The following ALMS1 variants were observed in gnomAD, a reference collection of about 807,000 sequenced individuals.
ALMS1 encodes centrosome-associated protein ALMS1.
In ALMS1, 271 loss-of-function variants were observed where a neutral mutation model predicts 352.2. That is an observed-to-expected ratio of 0.77 (90% CI 0.70 to 0.85). The LOEUF (loss-of-function observed/expected upper bound fraction) is 0.85. Among genes scored for constraint, ALMS1 ranks in the 40% least tolerant of loss-of-function variants. The pLI is 0.00. For missense variants in ALMS1, 5,445 were observed against 4,870.7 expected (o/e 1.12, Z -3.51); for synonymous variants, 1,865 against 1,761.2 (o/e 1.06, Z -1.48).
At chr2:73,493,308 A>C (rs376499348) in intron 10 of ALMS1, among the ~76,000 whole-genome samples, 1 of 151,652 alleles carries the variant, frequency 6.6e-6, no homozygotes, top group Admixed American at 6.6e-5. Flanking sequence ...ATTTGAACCT[A>C]GGTTTATCAA....
chr2:73,453,429 T>C lies in ALMS1; in HGVS notation c.6902T>C (p.Val2301Ala), dbSNP rs759819986. The change falls in exon 8 of 23, where the codon GTT (valine) becomes GCT (alanine). Residue 2301 changes from valine to alanine, a missense_variant. Transcript: ENST00000613296. ...DISFIQSKKV[V>A]CFKEPSSTGV... ...TCATTTATACAATCTAAGAAGGTGGTTTGCTTCAAAGAACCCTCTTCCACG... is the reference window on the plus strand; with the variant it reads ...TCATTTATACAATCTAAGAAGGTGGCTTGCTTCAAAGAACCCTCTTCCACG... 2 of 1,613,442 alleles carry C rather than the reference T, an allele frequency of 1.2e-6. No individual in the cohort carries two copies. The highest frequency in any genetic ancestry group is 4.5e-5 in the East Asian group (2 of 44,856).
intron 7 of ALMS1, among the ~76,000 whole-genome samples, chr2:73,434,348 T>C (rs1671567542): frequency 6.6e-6 from 1 of 152,216 alleles, no homozygotes; most frequent in South Asian, 2.1e-4. Flanking sequence ...CTAGTTTACA[T>C]TGTGATTTTT....
intron 7 of ALMS1, among the ~76,000 whole-genome samples, chr2:73,439,001 T>TCTTCCTCTC (rs1285513990): frequency 1.5e-5 from 2 of 137,240 alleles, no homozygotes; most frequent in East Asian, 3.9e-4. Context: ...TTCTTCCTCT[T>TCTTCCTCTC]CTTCCTCTCC....
chr2:73,388,919 CTT>C (rs1232323691), intron 1 of ALMS1, among the ~76,000 whole-genome samples: 1 of 151,918 alleles, frequency 6.6e-6, no homozygotes, highest in Admixed American at 6.6e-5. Flanking sequence ...GCTCAGATGT[CTT>C]TTTGATGAAA....
At chr2:73,499,435 A>G (rs761176852) in intron 10 of ALMS1, among the ~76,000 whole-genome samples, 2 of 152,114 alleles carry the variant, frequency 1.3e-5, no homozygotes, top group African/African-American at 4.8e-5. Context: ...CCAGACCAAT[A>G]TCCTAAAGAT....
intron 10 of ALMS1, among the ~76,000 whole-genome samples, chr2:73,504,496 A>G (rs1673280208): frequency 6.6e-6 from 1 of 152,208 alleles, no homozygotes; most frequent in Admixed American, 6.5e-5. Flanking sequence ...GAGAAGTTAT[A>G]TAGATGGAAT....
intron 10 of ALMS1, among the ~76,000 whole-genome samples, chr2:73,493,791 CTTTTTCA>C (rs1269274913): frequency 6.6e-6 from 1 of 152,064 alleles, no homozygotes; most frequent in African/African-American, 2.4e-5. Flanking sequence ...TATATTCAAA[CTTTTTCA>C]TTTTGAGATA....
Position 73,451,345 on chromosome 2 carries a change from A to G in ALMS1, c.4818A>G (p.Lys1606=). 6.2e-7 allele frequency: 1 copy of G among 1,613,848 alleles called. No homozygotes were observed. Among genetic ancestry groups the G allele is most frequent in the Non-Finnish European group, 8.5e-7 (1 of 1,179,914 alleles). The stretch of plus-strand genomic sequence containing the variant: ...CCATTGTTTCTGGACCTACTGAAAA[A>G]AAGACTGACATACCAGCAGGACCTT... The part of the protein sequence containing the change: ...KVSIVSGPTE[K]KTDIPAGPLG... Residue 1606 remains lysine (K), a synonymous_variant, in exon 8 of 23, where the codon AAA becomes AAG. Coordinates refer to ENST00000613296, the MANE Select transcript of ALMS1 (RefSeq NM_001378454.1).
chr2:73,577,388 A>G (rs779545145), intron 16 of ALMS1, among the ~76,000 whole-genome samples: 6 of 150,876 alleles, frequency 4.0e-5, no homozygotes, highest in Non-Finnish European at 7.4e-5. Flanking sequence ...GTTTCTAGAA[A>G]TTTGTTTATC....
At chr2:73,488,572 G>A (rs911651621) in intron 9 of ALMS1, among the ~76,000 whole-genome samples, 2 of 152,154 alleles carry the variant, frequency 1.3e-5, no homozygotes, top group African/African-American at 4.8e-5. Flanking sequence ...AGGGAGTGGG[G>A]CTTCTGCCTG....
At chr2:73,468,334 T>C (rs1485590685) in intron 9 of ALMS1, among the ~76,000 whole-genome samples, 1 of 152,060 alleles carries the variant, frequency 6.6e-6, no homozygotes, top group Non-Finnish European at 1.5e-5. Context: ...TAGCACAAAC[T>C]GCTTCAATGA....
At chr2:73,606,141 A>G (rs1353784884) in intron 21 of ALMS1, among the ~76,000 whole-genome samples, 1 of 152,200 alleles carries the variant, frequency 6.6e-6, no homozygotes, top group Non-Finnish European at 1.5e-5. Flanking sequence ...TTTGTTTTCA[A>G]AAAGTCTTTA....
intron 12 of ALMS1, among the ~76,000 whole-genome samples, chr2:73,543,457 C>G (rs1419868352): frequency 7.9e-5 from 12 of 152,270 alleles, no homozygotes; most frequent in East Asian, 1.9e-4. Flanking sequence ...CAGGCATGGT[C>G]AAGGACTTCA....
At chr2:73,476,761 TTTG>T (rs1340024532) in intron 9 of ALMS1, among the ~76,000 whole-genome samples, 6 of 152,132 alleles carry the variant, frequency 3.9e-5, no homozygotes, top group African/African-American at 1.2e-4. Flanking sequence ...TGAATCAGGT[TTTG>T]TTGTTGTTGT....
intron 11 of ALMS1, among the ~76,000 whole-genome samples, chr2:73,521,580 C>CAAAAAA (rs565126393): frequency 1.1e-5 from 1 of 94,900 alleles, no homozygotes; most frequent in Non-Finnish European, 2.3e-5. Context: ...ACTAAAAATA[C>CAAAAAA]AAAAAAAAAA....
At chr2:73,554,705 G>T (rs1011022282) in intron 13 of ALMS1, among the ~76,000 whole-genome samples, 1 of 152,090 alleles carries the variant, frequency 6.6e-6, no homozygotes, top group Non-Finnish European at 1.5e-5. Context: ...TTAAAATCAG[G>T]TGTTACCCTC....
chr2:73,412,829 T>C (rs766442034), intron 2 of ALMS1, among the ~76,000 whole-genome samples: 4 of 151,880 alleles, frequency 2.6e-5, no homozygotes, highest in Non-Finnish European at 5.9e-5. Context: ...ACCCTAGGAA[T>C]GGGTTTGTTG....
chr2:73,579,497 A>G (rs2104125469), intron 16 of ALMS1, among the ~76,000 whole-genome samples: 1 of 151,318 alleles, frequency 6.6e-6, no homozygotes, highest in African/African-American at 2.4e-5. Context: ...AGTAGCTGGG[A>G]TTACAGGTGC....
At chr2:73,578,906 AT>A (rs145434372) in intron 16 of ALMS1, among the ~76,000 whole-genome samples, 2,156 of 149,288 alleles carry the variant, frequency 0.014, 55 homozygotes, top group African/African-American at 0.052. Flanking sequence ...TTCTATGTAT[AT>A]GCCTTAAGCC....
Sources: gnomAD v4.1 joint callset for allele counts (sites outside exome capture counted in the v4.1 genomes callset) on GRCh38, gnomAD v4.1.1 for gene constraint, MANE v1.5 for transcripts, NCBI Gene and HGNC (gene_info 2026-07-23, HGNC 2026-07-21) for gene names.